GPBP1L1: variants seen among roughly 807,000 people sequenced by gnomAD.
GPBP1L1 encodes the protein GC-rich promoter binding protein 1 like 1.
GPBP1L1 carries 23 observed loss-of-function variants against 52.5 expected under a neutral mutation model. That is an observed-to-expected ratio of 0.44 (90% CI 0.32 to 0.62). GPBP1L1 has a LOEUF of 0.62. Ranked by LOEUF, GPBP1L1 falls within the 20% of genes least tolerant of loss-of-function variation. The pLI, the probability that GPBP1L1 is intolerant of heterozygous loss-of-function variation, is 0.06. For synonymous variants in GPBP1L1, 243 were observed against 203.1 expected (o/e 1.20, Z -1.67); for missense variants, 596 against 579.3 (o/e 1.03, Z -0.30).
chr1:45,627,679 T>C lies in GPBP1L1; in HGVS notation c.*577A>G, dbSNP rs1462564963. Reference sequence around the variant, plus strand: ...TCAAGGCTGCAAGAATAACACAACATTTCCTATATCCAAATATTTTACAGC... The same window carrying C: ...TCAAGGCTGCAAGAATAACACAACACTTCCTATATCCAAATATTTTACAGC... On this transcript the variant is annotated 3_prime_UTR_variant, in exon 13 of 13. Coordinates refer to ENST00000355105, the MANE Select transcript of GPBP1L1 (RefSeq NM_021639.5). 1 of 151,864 alleles carries C rather than the reference T, an allele frequency of 6.6e-6. No homozygotes were observed. The highest frequency in any genetic ancestry group is 1.5e-5 in the Non-Finnish European group (1 of 67,948). 9.4% of individuals were successfully genotyped at this position (151,864 alleles called of 1,614,324 possible).
intron 6 of GPBP1L1, chr1:45,646,111 A>G (rs920266457): frequency 6.9e-6 from 3 of 437,038 alleles, no homozygotes; most frequent in South Asian, 5.3e-5. Flanking sequence ...ACTTTGGAGC[A>G]TGGCCTAGTA....
intron 2 of GPBP1L1, among the ~76,000 whole-genome samples, chr1:45,675,166 G>A (rs978537201): frequency 7.9e-5 from 12 of 151,988 alleles, no homozygotes; most frequent in African/African-American, 2.9e-4. Flanking sequence ...GCGTGGAGGT[G>A]CATGCCTGTA....
chr1:45,634,445 C>T, intron 8 of GPBP1L1: 1 of 431,550 alleles, frequency 2.3e-6, no homozygotes, highest in Non-Finnish European at 4.1e-6. Context: ...AGCCATTGGA[C>T]ATTAATAGTG....
chr1:45,648,784 T>C (rs771335124), intron 6 of GPBP1L1, among the ~76,000 whole-genome samples: 5 of 152,208 alleles, frequency 3.3e-5, no homozygotes, highest in Non-Finnish European at 7.3e-5. Context: ...TCCCAGCACT[T>C]TGGGAGGCTG....
At chr1:45,629,747 T>A (rs1644506148) in intron 11 of GPBP1L1, 69 bp from the exon 12 acceptor site, 1 of 1,064,912 alleles carries the variant, frequency 9.4e-7, no homozygotes, top group Non-Finnish European at 1.4e-6. Context: ...GCCCACCACT[T>A]TTCACAGAAA....
chr1:45,659,436 G>T (rs1644921137), intron 3 of GPBP1L1, among the ~76,000 whole-genome samples: 1 of 152,192 alleles, frequency 6.6e-6, no homozygotes, highest in Non-Finnish European at 1.5e-5. Flanking sequence ...GGCCTCAAAA[G>T]ATCATCCTGC....
rs748584802 is a variant in GPBP1L1, at chr1:45,629,678, C to T, written c.1170G>A (p.Arg390=). The part of the protein sequence containing the change: ...VLSHSLEAEH[R]LLKAMGWQEY... Reference sequence around the variant, plus strand: ...CCTGCCAACCCATAGCTTTCAATAACCTGGTGGACGCAGAAGGACAGGTAA... The same window carrying T: ...CCTGCCAACCCATAGCTTTCAATAATCTGGTGGACGCAGAAGGACAGGTAA... Residue 390 remains arginine (R), a splice_region_variant and synonymous_variant, in exon 12 of 13, where the codon AGG becomes AGA. Coordinates refer to ENST00000355105, the MANE Select transcript of GPBP1L1 (RefSeq NM_021639.5). The T allele has an allele frequency of 6.3e-7, 1 of 1,590,084 alleles. No individual in the cohort carries two copies. The highest frequency in any genetic ancestry group is 2.2e-5 in the East Asian group (1 of 44,768).
intron 6 of GPBP1L1, chr1:45,645,732 A>G: frequency 2.9e-6 from 1 of 340,332 alleles, no homozygotes; most frequent in Non-Finnish European, 5.5e-6. Flanking sequence ...AGTAGTTCTC[A>G]GGAAAAGTCT....
chr1:45,672,653 C>A (rs144679900), intron 2 of GPBP1L1, among the ~76,000 whole-genome samples: 2 of 152,046 alleles, frequency 1.3e-5, no homozygotes, highest in African/African-American at 4.8e-5. Context: ...TTATTTAAAT[C>A]CATGGACCCA....
intron 2 of GPBP1L1, among the ~76,000 whole-genome samples, chr1:45,667,928 G>A (rs1645029681): frequency 6.6e-6 from 1 of 152,006 alleles, no homozygotes; most frequent in Non-Finnish European, 1.5e-5. Context: ...TAGTAGAGAC[G>A]GAGTTTCACC....
chr1:45,655,445 G>T, intron 4 of GPBP1L1, 126 bp from the exon 5 acceptor site: 1 of 1,055,950 alleles, frequency 9.5e-7, no homozygotes, highest in Non-Finnish European at 1.4e-6. Context: ...CATATTGTAA[G>T]CATATGGACC....
chr1:45,663,134 G>A (rs1644967118), intron 2 of GPBP1L1, among the ~76,000 whole-genome samples: 1 of 151,254 alleles, frequency 6.6e-6, no homozygotes, highest in South Asian at 2.1e-4. Context: ...AAATGAAACT[G>A]TCCCTGTAGT....
At chr1:45,646,779 G>A (rs924585218) in intron 6 of GPBP1L1, among the ~76,000 whole-genome samples, 1 of 151,926 alleles carries the variant, frequency 6.6e-6, no homozygotes, top group Admixed American at 6.6e-5. Context: ...GGATGGTCTC[G>A]ATCTCCTGAC....
intron 10 of GPBP1L1, among the ~76,000 whole-genome samples, chr1:45,631,686 A>G (rs1053307552): frequency 6.6e-6 from 1 of 152,214 alleles, no homozygotes; most frequent in African/African-American, 2.4e-5. Context: ...TTCGGAGGCC[A>G]AAGGTGGGAG....
chr1:45,676,668 C>CCA (rs1474550261), intron 2 of GPBP1L1, among the ~76,000 whole-genome samples: 1 of 149,304 alleles, frequency 6.7e-6, no homozygotes, highest in Non-Finnish European at 1.5e-5. Context: ...CGAGACTGCA[C>CCA]CACTGCATTC....
At chr1:45,679,954 CG>C (rs896113423) in intron 2 of GPBP1L1, among the ~76,000 whole-genome samples, 1 of 99,672 alleles carries the variant, frequency 1.0e-5, no homozygotes, top group African/African-American at 4.0e-5. Context: ...CCCAGCAGGG[CG>C]GGGGGTGGGG....
At position 45,660,835 on chromosome 1, in the gene GPBP1L1, A is replaced by T. The variant is rs899307009; in HGVS notation, c.-707T>A. On this transcript the variant is annotated 5_prime_UTR_variant, in exon 3 of 13. Coordinates refer to ENST00000355105, the MANE Select transcript of GPBP1L1 (RefSeq NM_021639.5). The stretch of plus-strand genomic sequence containing the variant: ...ACATAAATCTTGTCTTTGTTAAAAA[A>T]AAATAAAAAATAAAAATAGACAGGA... 7 of 152,348 alleles carry T rather than the reference A, an allele frequency of 4.6e-5. No homozygotes were observed. Among genetic ancestry groups the T allele is most frequent in the East Asian group, 1.9e-4 (1 of 5,182 alleles). The allele number at this position is 152,348 out of a possible 1,614,324, so 9.4% of individuals were successfully genotyped here.
At chr1:45,658,280 T>C (rs1252364897) in intron 4 of GPBP1L1, among the ~76,000 whole-genome samples, 1 of 152,186 alleles carries the variant, frequency 6.6e-6, no homozygotes, top group Non-Finnish European at 1.5e-5. Context: ...TCTTCATCTA[T>C]CGCCATAAAC....
At chr1:45,643,052 GA>G (rs1644694195) in intron 6 of GPBP1L1, among the ~76,000 whole-genome samples, 6 of 152,024 alleles carry the variant, frequency 3.9e-5, no homozygotes, top group South Asian at 4.1e-4. Flanking sequence ...CAAGGACGAT[GA>G]AAAAAATTCA....
Sources: gnomAD v4.1 joint callset for allele counts (sites outside exome capture counted in the v4.1 genomes callset) on GRCh38, gnomAD v4.1.1 for gene constraint, MANE v1.5 for transcripts, NCBI Gene and HGNC (gene_info 2026-07-23, HGNC 2026-07-21) for gene names.